Variants in CDS1 observed in about 807,000 individuals in gnomAD.
The protein encoded by CDS1 is phosphatidate cytidylyltransferase 1.
In CDS1, 41 loss-of-function variants were observed where a neutral mutation model predicts 62.1. The observed-to-expected ratio is 0.66, with a 90% CI of 0.51 to 0.86. The LOEUF is 0.86. Ranked by LOEUF, CDS1 falls within the 40% of genes least tolerant of loss-of-function variation. The pLI, the probability that CDS1 is intolerant of heterozygous loss-of-function variation, is 0.00. For synonymous variants in CDS1, 185 were observed against 192.6 expected (o/e 0.96, Z 0.32); for missense variants, 470 against 550.1 (o/e 0.85, Z 1.46).
At chr4:84,626,167 C>CA (rs990548231) in intron 5 of CDS1, among the ~76,000 whole-genome samples, 11 of 151,066 alleles carry the variant, frequency 7.3e-5, no homozygotes, top group Non-Finnish European at 1.5e-4. Flanking sequence ...AACTCCATTT[C>CA]AAAAAAAACA....
intron 5 of CDS1, among the ~76,000 whole-genome samples, chr4:84,631,605 T>C (rs993074171): frequency 2.0e-5 from 3 of 152,200 alleles, no homozygotes; most frequent in Non-Finnish European, 4.4e-5. Flanking sequence ...ATTTGTGCCA[T>C]GGAATGTATT....
intron 1 of CDS1, among the ~76,000 whole-genome samples, chr4:84,586,402 G>T (rs900838630): frequency 6.6e-6 from 1 of 152,198 alleles, no homozygotes; most frequent in African/African-American, 2.4e-5. Flanking sequence ...ACCTGGGGGT[G>T]ATGGGAGACA....
intron 2 of CDS1, among the ~76,000 whole-genome samples, chr4:84,606,324 GTGTGTGTA>G (rs776150769): frequency 2.0e-5 from 3 of 150,092 alleles, no homozygotes; most frequent in African/African-American, 7.4e-5. Flanking sequence ...GTGTGTGTGT[GTGTGTGTA>G]TGTGTGTGTA....
intron 3 of CDS1, among the ~76,000 whole-genome samples, chr4:84,616,276 A>C (rs1256017703): frequency 6.6e-6 from 1 of 152,240 alleles, no homozygotes; most frequent in South Asian, 2.1e-4. Flanking sequence ...ACTTTTGCCT[A>C]CAAGTACTGT....
At chr4:84,597,922 C>A (rs530910588) in intron 1 of CDS1, among the ~76,000 whole-genome samples, 1 of 151,954 alleles carries the variant, frequency 6.6e-6, no homozygotes, top group East Asian at 2.0e-4. Flanking sequence ...GTCAGGAGAT[C>A]GAGACCATCC....
chr4:84,612,950 C>T (rs147219479), intron 3 of CDS1, among the ~76,000 whole-genome samples: 8 of 144,502 alleles, frequency 5.5e-5, no homozygotes, highest in South Asian at 2.2e-4. Context: ...GATCACACCA[C>T]GGCACTCCAG....
chr4:84,635,363 A>AT lies in CDS1; in HGVS notation c.810+16dup, dbSNP rs750921286. ...CTCCATTAATTAAGGTAATGGAAAA[A>AT]TTTTATAAGCAAGCCACTATGTAAC... On this transcript the variant is annotated intron_variant, in intron 8 of 12. Coordinates refer to ENST00000295887, the MANE Select transcript of CDS1 (RefSeq NM_001263.4). The AT allele has an allele frequency of 7.9e-7, 1 of 1,266,590 alleles. No individual in the cohort carries two copies. The allele number at this position is 1,266,590 out of a possible 1,614,324, so 78.5% of individuals were successfully genotyped here. A position where few individuals can be genotyped will look rare whatever the true frequency, so the allele number is the denominator to read the frequency against.
Position 84,648,699 on chromosome 4 carries a change from A to G in CDS1, c.*13A>G, listed in dbSNP as rs756398170. 1.9e-6 allele frequency: 3 copies of G among 1,605,476 alleles called. No individual in the cohort carries two copies. The East Asian group carries it at 6.7e-5, about 36-fold the overall frequency. The stretch of plus-strand genomic sequence containing the variant: ...CTTGAAGGTATAACTGGATCCAGAG[A>G]GGGAAGGACTGACAAGAAGGAATTA... On this transcript the variant is annotated 3_prime_UTR_variant, in exon 13 of 13. Transcript: ENST00000295887.
rs757080263 is a variant in CDS1, at chr4:84,640,847, G to A, written c.889G>A (p.Val297Met). The A allele has an allele frequency of 1.0e-5, 16 of 1,588,368 alleles. No individual in the cohort carries two copies. Among genetic ancestry groups the A allele is most frequent in the Non-Finnish European group, 1.4e-5 (16 of 1,168,756 alleles). Residue 297 changes from valine to methionine, a missense_variant, in exon 10 of 13, where the codon GTG (valine) becomes ATG (methionine). Physicochemically the swap from Val to Met is conservative, Grantham distance 21. Transcript: ENST00000295887. The part of the protein sequence containing the change: ...TVVFGFIAAY[V>M]LSKYQYFVCP... ...TTGTTTTTAATATCAGGCTGCCTAT[G>A]TGTTATCCAAATACCAGTACTTTGT... is the stretch of plus-strand genomic sequence containing the variant.
chr4:84,609,692 C>A (rs1397937409), intron 3 of CDS1, among the ~76,000 whole-genome samples, 167 bp downstream of exon 3: 1 of 152,138 alleles, frequency 6.6e-6, no homozygotes, highest in Admixed American at 6.5e-5. Flanking sequence ...CTAACTTAAT[C>A]TTTTCTGTTT....
intron 5 of CDS1, among the ~76,000 whole-genome samples, chr4:84,626,670 A>G (rs1255960241): frequency 6.6e-6 from 1 of 152,226 alleles, no homozygotes; most frequent in Admixed American, 6.5e-5. Context: ...TAAAACAGGC[A>G]TAGAATACTA....
chr4:84,634,001 G>A lies in CDS1; in HGVS notation c.722+62G>A, dbSNP rs762225841. 46 of 882,120 alleles carry A rather than the reference G, an allele frequency of 5.2e-5. 1 individual carries two copies. The Middle Eastern group carries it at 6.8e-4, about 13-fold the overall frequency. The allele number at this position is 882,120 out of a possible 1,614,324, so 54.6% of individuals were successfully genotyped here. ...CATAGCACTTTTATAGTTCTTTAAC[G>A]TTGGATAGTGTCTTACAGATTTCTA... On this transcript the variant is annotated intron_variant, in intron 7 of 12. Coordinates refer to ENST00000295887, the MANE Select transcript of CDS1 (RefSeq NM_001263.4).
intron 1 of CDS1, among the ~76,000 whole-genome samples, chr4:84,592,489 A>G (rs1722622879): frequency 6.6e-6 from 1 of 152,060 alleles, no homozygotes; most frequent in African/African-American, 2.4e-5. Context: ...TTGGTTTTTG[A>G]TCATCCCTGA....
intron 12 of CDS1, among the ~76,000 whole-genome samples, chr4:84,646,255 T>C (rs1333986147): frequency 6.6e-6 from 1 of 152,212 alleles, no homozygotes; most frequent in African/African-American, 2.4e-5. Flanking sequence ...TTTATCAATT[T>C]CATTAATCTT....
chr4:84,608,065 G>C (rs1037831166), intron 2 of CDS1, among the ~76,000 whole-genome samples: 1 of 152,204 alleles, frequency 6.6e-6, no homozygotes, highest in African/African-American at 2.4e-5. Context: ...GGCATGCCAG[G>C]CCCTTACAGC....
At chr4:84,617,782 A>G (rs1167581212) in intron 4 of CDS1, 121 bp downstream of exon 4, 1 of 468,774 alleles carries the variant, frequency 2.1e-6, no homozygotes, top group African/African-American at 2.0e-5. Flanking sequence ...GAGAAAGATA[A>G]ATAAAAATAA....
At chr4:84,624,046 C>T (rs1037830607) in intron 5 of CDS1, among the ~76,000 whole-genome samples, 6 of 151,738 alleles carry the variant, frequency 4.0e-5, no homozygotes, top group Admixed American at 6.6e-5. Context: ...CCGAGGCAGG[C>T]GGATCACAAG....
rs1724688395 is a variant in CDS1, at chr4:84,650,172, T to C, written c.*1486T>C. ...TATACCTAAAACAAAAGATTGCCGT[T>C]ATACCTGGGTTCCACTGATGCAGTC... On this transcript the variant is annotated 3_prime_UTR_variant, in exon 13 of 13. Transcript: ENST00000295887. The C allele has an allele frequency of 6.6e-6, 1 of 152,202 alleles. No homozygotes were observed. Among genetic ancestry groups the C allele is most frequent in the Non-Finnish European group, 1.5e-5 (1 of 68,042 alleles). The allele number at this position is 152,202 out of a possible 1,614,324, so 9.4% of individuals were successfully genotyped here.
chr4:84,610,831 G>T (rs187919262), intron 3 of CDS1, among the ~76,000 whole-genome samples: 33 of 152,248 alleles, frequency 2.2e-4, no homozygotes, highest in Admixed American at 4.6e-4. Context: ...ATATAGACTA[G>T]ATGTATAAGA....
Sources: gnomAD v4.1 joint callset for allele counts (sites outside exome capture counted in the v4.1 genomes callset) on GRCh38, gnomAD v4.1.1 for gene constraint, MANE v1.5 for transcripts, NCBI Gene and HGNC (gene_info 2026-07-23, HGNC 2026-07-21) for gene names.